The following NBPF11 variants were observed in gnomAD, a reference collection of about 807,000 sequenced individuals.
NBPF11 encodes NBPF family member NBPF11.
NBPF11 carries 72 observed loss-of-function variants against 93.9 expected under a neutral mutation model. The observed-to-expected ratio is 0.77, with a 90% CI of 0.63 to 0.93. NBPF11 has a LOEUF of 0.93. Ranked by LOEUF, NBPF11 falls within the 40% of genes least tolerant of loss-of-function variation. NBPF11 has a pLI of 0.00. For synonymous variants in NBPF11, 224 were observed against 304.9 expected (o/e 0.73, Z 2.76); for missense variants, 705 against 802.2 (o/e 0.88, Z 1.46).
intron 1 of NBPF11, among the ~76,000 whole-genome samples, chr1:148,145,143 G>A (rs1187002993): frequency 6.8e-6 from 1 of 145,986 alleles, no homozygotes; most frequent in African/African-American, 2.6e-5. Context: ...TTGCTATAAG[G>A]TTAATATAGA....
At chr1:148,144,605 G>C (rs1335914736) in intron 1 of NBPF11, among the ~76,000 whole-genome samples, 3 of 151,806 alleles carry the variant, frequency 2.0e-5, no homozygotes, top group Non-Finnish European at 2.9e-5. Flanking sequence ...TAACAATAAT[G>C]AATACTATAT....
chr1:148,137,016 C>A (rs1282282896), intron 3 of NBPF11, among the ~76,000 whole-genome samples: 8 of 151,832 alleles, frequency 5.3e-5, no homozygotes, highest in Non-Finnish European at 8.8e-5. Flanking sequence ...ATGTGAGTGT[C>A]CTACTGTGGT....
At chr1:148,113,289 T>C (rs1282787620) in intron 15 of NBPF11, among the ~76,000 whole-genome samples, 5 of 151,458 alleles carry the variant, frequency 3.3e-5, no homozygotes, top group Non-Finnish European at 5.9e-5. Flanking sequence ...ACCAAGCAAA[T>C]GGAAAGCAAA....
intron 15 of NBPF11, among the ~76,000 whole-genome samples, chr1:148,111,165 C>T (rs1177968291): frequency 6.6e-6 from 1 of 151,642 alleles, no homozygotes; most frequent in Admixed American, 6.6e-5. Flanking sequence ...AGGGACCTGA[C>T]TGTTAGAAGG....
At chr1:148,114,365 C>G in intron 15 of NBPF11, 72 bp downstream of exon 15, 1 of 574,158 alleles carries the variant, frequency 1.7e-6, no homozygotes, top group Non-Finnish European at 3.1e-6. Context: ...TTCATCACTT[C>G]CTCATTTTCC....
At chr1:148,146,119 G>T (rs1319108808) in intron 1 of NBPF11, among the ~76,000 whole-genome samples, 2 of 151,828 alleles carry the variant, frequency 1.3e-5, no homozygotes, top group Admixed American at 6.6e-5. Flanking sequence ...CGGGAGCCAT[G>T]GAGCGCGGCC....
chr1:148,124,773 G>T, intron 6 of NBPF11, 126 bp downstream of exon 6: 1 of 834,524 alleles, frequency 1.2e-6, no homozygotes, highest in Admixed American at 1.8e-5. Context: ...TGTGTGTCAT[G>T]AGCCTGCCAT....
intron 1 of NBPF11, chr1:148,149,307 C>G: frequency 6.3e-7 from 1 of 1,596,976 alleles, no homozygotes; most frequent in South Asian, 1.1e-5. Context: ...TTCCGCGACA[C>G]CAAGAAGACC....
intron 2 of NBPF11, among the ~76,000 whole-genome samples, chr1:148,140,549 T>G (rs2149288852): frequency 1.4e-5 from 2 of 146,484 alleles, no homozygotes; most frequent in East Asian, 4.0e-4. Flanking sequence ...CCAAAATATA[T>G]GAAGAATTCT....
Position 148,124,101 on chromosome 1 carries a change from A to G in NBPF11, c.279-34T>C, listed in dbSNP as rs1284653708. ...AGACGGTAGAGAAAATTTAACAGTG[A>G]AAAGCATTGAGTGATCCGTTCAAAT... On this transcript the variant is annotated intron_variant, in intron 6 of 23. Transcript: ENST00000682118. 80 of 1,606,624 alleles carry G rather than the reference A, an allele frequency of 5.0e-5. 2 individuals carry two copies. In the East Asian group the frequency reaches 7.2e-4, roughly 14 times the overall value.
chr1:148,103,892 T>G lies in NBPF11; in HGVS notation c.*4A>C. 4 of 1,611,008 alleles carry G rather than the reference T, an allele frequency of 2.5e-6. No homozygotes were observed. Among genetic ancestry groups the G allele is most frequent in the African/African-American group, 1.3e-5 (1 of 74,716 alleles). ...CTGTAAGACTTCAGGCACTTCCACT[T>G]CCATCAGCACGCTGCTGAGCCTGGA... is the stretch of plus-strand genomic sequence containing the variant. On this transcript the variant is annotated 3_prime_UTR_variant, in exon 24 of 24. Transcript: ENST00000682118.
chr1:148,149,752 G>A (rs1234651253), intron 1 of NBPF11, among the ~76,000 whole-genome samples: 69 of 139,494 alleles, frequency 4.9e-4, no homozygotes, highest in Admixed American at 4.8e-3. Context: ...GAAGCAAGAA[G>A]AAAATACGTG....
At chr1:148,119,359 A>G (rs1667291778) in intron 10 of NBPF11, among the ~76,000 whole-genome samples, 1 of 152,068 alleles carries the variant, frequency 6.6e-6, no homozygotes, top group Non-Finnish European at 1.5e-5. Flanking sequence ...CTCTGTGCCA[A>G]TAAACGTTCT....
intron 7 of NBPF11, 33 bp from the exon 8 acceptor site, chr1:148,122,834 C>T (rs1553271922): frequency 3.1e-6 from 5 of 1,609,058 alleles, no homozygotes; most frequent in African/African-American, 2.7e-5. Flanking sequence ...CAGATATTTC[C>T]CACTTCACAT....
intron 17 of NBPF11, among the ~76,000 whole-genome samples, chr1:148,108,899 CTCAG>C (rs1478349589): frequency 1.6e-5 from 2 of 123,768 alleles, no homozygotes; most frequent in South Asian, 2.6e-4. Flanking sequence ...ACAGTGTGAG[CTCAG>C]TCAATTGGCC....
At chr1:148,146,887 G>A (rs1469171070) in intron 1 of NBPF11, 45 of 1,613,280 alleles carry the variant, frequency 2.8e-5, no homozygotes, top group Admixed American at 1.5e-4. Context: ...CCTCTATGCC[G>A]ACATCGACGC....
At chr1:148,104,023 A>C (rs1662926309) in intron 23 of NBPF11, 111 bp from the exon 24 acceptor site, 1 of 1,602,788 alleles carries the variant, frequency 6.2e-7, no homozygotes, top group Non-Finnish European at 8.5e-7. Context: ...AAAAGGACAG[A>C]TCCATTAATG....
chr1:148,142,661 C>T (rs1222616251), intron 2 of NBPF11, among the ~76,000 whole-genome samples: 2 of 152,060 alleles, frequency 1.3e-5, no homozygotes, highest in African/African-American at 4.8e-5. Flanking sequence ...CCTCTCAATG[C>T]CTGCAGTGGT....
intron 15 of NBPF11, among the ~76,000 whole-genome samples, chr1:148,112,780 AG>A (rs1665598640): frequency 1.3e-5 from 2 of 149,084 alleles, no homozygotes; most frequent in African/African-American, 5.0e-5. Context: ...ACAGTGTAAA[AG>A]TGTTCCTATT....
Sources: allele counts gnomAD v4.1 joint callset (sites outside exome capture counted in the v4.1 genomes callset), GRCh38; gene constraint gnomAD v4.1.1; transcripts MANE v1.5; gene names NCBI Gene and HGNC (gene_info 2026-07-23, HGNC 2026-07-21).